TENT4B: variants seen among roughly 807,000 people sequenced by gnomAD.
TENT4B encodes terminal nucleotidyltransferase 4B.
In TENT4B, 10 loss-of-function variants were observed where a neutral mutation model predicts 75.0. That is an observed-to-expected ratio of 0.13 (90% CI 0.08 to 0.23). The LOEUF is 0.23. TENT4B is among the 10% of genes least tolerant of loss of function. TENT4B has a pLI of 1.00. For synonymous variants in TENT4B, 350 were observed against 357.7 expected (o/e 0.98, Z 0.24); for missense variants, 579 against 893.8 (o/e 0.65, Z 4.49).
At chr16:50,196,978 A>G (rs1387142274) in intron 1 of TENT4B, among the ~76,000 whole-genome samples, 1 of 151,836 alleles carries the variant, frequency 6.6e-6, no homozygotes, top group African/African-American at 2.4e-5. Flanking sequence ...ATGTGGGCAC[A>G]TGCCTGTAGT....
Position 50,231,457 on chromosome 16 carries a change from T to G in TENT4B, c.*2129T>G. On this transcript the variant is annotated 3_prime_UTR_variant, in exon 12 of 12. Transcript: ENST00000561678. Reference sequence around the variant, plus strand: ...TTACATTTACCACACTGAAGTTTTTTTTGTTGTTTTTTGTTTGTTTTTAAA... The same window carrying G: ...TTACATTTACCACACTGAAGTTTTTGTTGTTGTTTTTTGTTTGTTTTTAAA... 1.0e-6 allele frequency: 1 copy of G among 985,788 alleles called. No individual in the cohort carries two copies. The highest frequency in any genetic ancestry group is 1.2e-6 in the Non-Finnish European group (1 of 829,876). The allele number at this position is 985,788 out of a possible 1,614,324, so 61.1% of individuals were successfully genotyped here.
chr16:50,214,083 T>TCA, intron 2 of TENT4B, 138 bp from the exon 3 acceptor site: 1 of 644,732 alleles, frequency 1.6e-6, no homozygotes, highest in East Asian at 2.9e-5. Context: ...AGCTTGGGGT[T>TCA]AGAAAAAAAT....
chr16:50,201,973 G>GAA (rs879684632), intron 1 of TENT4B, among the ~76,000 whole-genome samples: 1 of 134,554 alleles, frequency 7.4e-6, no homozygotes, highest in Non-Finnish European at 1.6e-5. Context: ...CGTCCCTAAA[G>GAA]AAAAAAAAAA....
chr16:50,188,695 G>C (rs967080387), intron 1 of TENT4B, among the ~76,000 whole-genome samples: 4 of 152,072 alleles, frequency 2.6e-5, no homozygotes, highest in Admixed American at 6.6e-5. Context: ...TTTTCATCCA[G>C]TTTTAAACAA....
At chr16:50,172,671 G>A (rs1017110886) in intron 1 of TENT4B, among the ~76,000 whole-genome samples, 2 of 151,834 alleles carry the variant, frequency 1.3e-5, no homozygotes, top group Admixed American at 6.6e-5. Context: ...GTTAACTAAG[G>A]TCCGTAATTT....
At position 50,224,691 on chromosome 16, in the gene TENT4B, G is replaced by A; in HGVS notation, c.1416G>A (p.Met472Ile). 1 of 1,614,020 alleles carries A rather than the reference G, an allele frequency of 6.2e-7. No homozygotes were observed. The highest frequency in any genetic ancestry group is 8.5e-7 in the Non-Finnish European group (1 of 1,179,886). Reference protein sequence around the residue: ...NDVGRSSYGAMQVKQAFDYAY... With the variant: ...NDVGRSSYGAIQVKQAFDYAY... Reference sequence around the variant, plus strand: ...TTGGAAGGAGTTCATATGGGGCCATGCAAGTGAAGCAGGCCTTTGATTATG... The same window carrying A: ...TTGGAAGGAGTTCATATGGGGCCATACAAGTGAAGCAGGCCTTTGATTATG... Residue 472 changes from methionine to isoleucine, a missense_variant, in exon 8 of 12, where the codon ATG becomes ATA. Coordinates refer to ENST00000561678, the MANE Select transcript of TENT4B (RefSeq NM_001365324.3).
intron 3 of TENT4B, 58 bp downstream of exon 3, chr16:50,214,325 G>A (rs998035788): frequency 8.8e-6 from 12 of 1,369,990 alleles, no homozygotes; most frequent in South Asian, 1.3e-5. Flanking sequence ...CATTTTGGCT[G>A]TCAAATTTGT....
intron 1 of TENT4B, among the ~76,000 whole-genome samples, chr16:50,196,004 GAAGA>G (rs993550417): frequency 3.3e-5 from 5 of 152,172 alleles, no homozygotes; most frequent in Non-Finnish European, 7.3e-5. Flanking sequence ...CTTTGGAGCG[GAAGA>G]AATAGTCAAT....
upstream of TENT4B, chr16:50,152,966 C>T: frequency 6.6e-7 from 1 of 1,512,420 alleles, no homozygotes; most frequent in South Asian, 1.2e-5. Context: ...CGGCCTCGTC[C>T]ACGCTCAGCA....
intron 1 of TENT4B, among the ~76,000 whole-genome samples, chr16:50,204,418 A>G (rs1283377722): frequency 6.6e-6 from 1 of 152,206 alleles, no homozygotes; most frequent in Non-Finnish European, 1.5e-5. Flanking sequence ...ACAGTAACTC[A>G]GGGAAGAAAA....
At chr16:50,164,521 C>A (rs2038063242) in intron 1 of TENT4B, among the ~76,000 whole-genome samples, 1 of 151,358 alleles carries the variant, frequency 6.6e-6, no homozygotes. Flanking sequence ...ATTGGCCAGG[C>A]TAGTCTTGAG....
chr16:50,219,422 C>A (rs1216991179), intron 5 of TENT4B, among the ~76,000 whole-genome samples: 1 of 152,156 alleles, frequency 6.6e-6, no homozygotes, highest in African/African-American at 2.4e-5. Flanking sequence ...GTTGGTTACA[C>A]AGGCAGTAGT....
intron 1 of TENT4B, among the ~76,000 whole-genome samples, chr16:50,164,330 G>C (rs1273116583): frequency 6.7e-6 from 1 of 150,238 alleles, no homozygotes; most frequent in East Asian, 2.0e-4. Flanking sequence ...GTTGTTTTTA[G>C]ATGAAGTCTC....
intron 1 of TENT4B, among the ~76,000 whole-genome samples, chr16:50,164,901 A>T (rs117587888): frequency 5.6e-4 from 85 of 151,780 alleles, no homozygotes; most frequent in African/African-American, 2.0e-3. Context: ...AAAAAAAAAA[A>T]TTAGCCAGGC....
Position 50,231,133 on chromosome 16 carries a change from A to AC in TENT4B, c.*1806dup. ...TCACAATGGAAAAATGTGTTCCAAA[A>AC]CTGGAAACTCATAGTACTCGTGTAA... On this transcript the variant is annotated 3_prime_UTR_variant, in exon 12 of 12. Transcript: ENST00000561678. 2.0e-6 allele frequency: 2 copies of AC among 985,558 alleles called. No individual in the cohort carries two copies. Among genetic ancestry groups the AC allele is most frequent in the Non-Finnish European group, 2.4e-6 (2 of 829,646 alleles). The allele number at this position is 985,558 out of a possible 1,614,324, so 61.1% of individuals were successfully genotyped here.
chr16:50,224,576 C>G lies in TENT4B; in HGVS notation c.1382-81C>G, dbSNP rs2031965071. 37 of 1,557,330 alleles carry G rather than the reference C, an allele frequency of 2.4e-5. No individual in the cohort carries two copies. The South Asian group carries it at 4.4e-4, about 19-fold the overall frequency. ...TCTGGTGGGATAACTATGGCCCTTGCTCTCCTGGAAGAGAGTCATCAACAT... is the reference window on the plus strand; with the variant it reads ...TCTGGTGGGATAACTATGGCCCTTGGTCTCCTGGAAGAGAGTCATCAACAT... On this transcript the variant is annotated intron_variant, in intron 7 of 11. Coordinates refer to ENST00000561678, the MANE Select transcript of TENT4B (RefSeq NM_001365324.3).
chr16:50,156,634 G>A (rs573074022), intron 1 of TENT4B, among the ~76,000 whole-genome samples: 166 of 150,982 alleles, frequency 1.1e-3, no homozygotes, highest in African/African-American at 3.8e-3. Context: ...ATGAGCCACC[G>A]TGCCCGGCCT....
intron 1 of TENT4B, among the ~76,000 whole-genome samples, chr16:50,192,998 C>T (rs915926230): frequency 2.3e-4 from 35 of 152,102 alleles, no homozygotes; most frequent in African/African-American, 8.0e-4. Context: ...TGCCTGAACC[C>T]GAGGAAGTCA....
chr16:50,153,883 GAGCGCCTGCTGGGCAGCCACGCGCTGC>G lies in TENT4B; in HGVS notation c.263_289del (p.Glu88_Pro97delinsAla). The G allele has an allele frequency of 6.6e-7, 1 of 1,513,468 alleles. No homozygotes were observed. Among genetic ancestry groups the G allele is most frequent in the Non-Finnish European group, 8.8e-7 (1 of 1,138,114 alleles). The allele number at this position is 1,513,468 out of a possible 1,614,324, so 93.8% of individuals were successfully genotyped here. On this transcript the variant is annotated inframe_deletion, in exon 1 of 12. Transcript: ENST00000561678. ...CCCGGCCGGCATGTATCGCTCCGGG[GAGCGCCTGCTGGGCAGCCACGCGCTGC>G]CCGCGGAGCAGCGGGACTTCCTGCC...
Sources: gnomAD v4.1 joint callset for allele counts (sites outside exome capture counted in the v4.1 genomes callset) on GRCh38, gnomAD v4.1.1 for gene constraint, MANE v1.5 for transcripts, NCBI Gene and HGNC (gene_info 2026-07-23, HGNC 2026-07-21) for gene names.